The following RIMS1 variants were observed in gnomAD, a reference collection of about 807,000 sequenced individuals.
RIMS1 encodes the protein regulating synaptic membrane exocytosis protein 1.
A neutral mutation model predicts 214.1 loss-of-function variants in RIMS1; 83 were observed. That is an observed-to-expected ratio of 0.39 (90% CI 0.32 to 0.47). The LOEUF (loss-of-function observed/expected upper bound fraction) is 0.47. Among genes scored for constraint, RIMS1 ranks in the 20% least tolerant of loss-of-function variants. The pLI is 0.99. For synonymous variants in RIMS1, 793 were observed against 786.8 expected, an observed-to-expected ratio of 1.01 and a Z score of -0.13; for missense variants, 2,050 against 2,161.8, an observed-to-expected ratio of 0.95 and a Z score of 1.03.
intron 2 of RIMS1, among the ~76,000 whole-genome samples, chr6:72,067,906 G>T (rs1455285080): frequency 7.9e-5 from 12 of 152,062 alleles, no homozygotes; most frequent in African/African-American, 2.9e-4. Context: ...TTATGTGAGG[G>T]CAATGTTTCC....
At chr6:71,935,870 T>C (rs1784282063) in intron 1 of RIMS1, among the ~76,000 whole-genome samples, 1 of 152,210 alleles carries the variant, frequency 6.6e-6, no homozygotes, top group African/African-American at 2.4e-5. Context: ...TTTCCTGAAG[T>C]AATCTTTCAC....
chr6:72,196,580 C>CATTTTTTTTTTTTTTT (rs2050976810), intron 6 of RIMS1, among the ~76,000 whole-genome samples: 1 of 57,208 alleles, frequency 1.7e-5, no homozygotes, highest in African/African-American at 7.9e-5. Context: ...GCCAGCTGCA[C>CATTTTTTTTTTTTTTT]TTTTTTTTTT....
chr6:72,349,490 G>A (rs1444897496), intron 29 of RIMS1, among the ~76,000 whole-genome samples: 1 of 151,818 alleles, frequency 6.6e-6, no homozygotes, highest in Non-Finnish European at 1.5e-5. Context: ...ATGTAATGAT[G>A]TAAAAGTATA....
intron 2 of RIMS1, among the ~76,000 whole-genome samples, chr6:72,007,204 AG>A (rs1367053391): frequency 1.3e-5 from 2 of 152,216 alleles, no homozygotes; most frequent in Non-Finnish European, 2.9e-5. Context: ...GCTGATACCC[AG>A]GCAAACAGGG....
At chr6:72,186,427 C>T (rs894364142) in intron 6 of RIMS1, among the ~76,000 whole-genome samples, 1 of 152,178 alleles carries the variant, frequency 6.6e-6, no homozygotes, top group African/African-American at 2.4e-5. Context: ...GCCAAAAAGC[C>T]TGGTGCTCGA....
intron 28 of RIMS1, among the ~76,000 whole-genome samples, chr6:72,315,731 T>C (rs1049077684): frequency 6.6e-6 from 1 of 150,396 alleles, no homozygotes; most frequent in Non-Finnish European, 1.5e-5. Flanking sequence ...ACACATGGAG[T>C]TATTTTGCTT....
At chr6:72,041,405 G>A (rs74777868) in intron 2 of RIMS1, among the ~76,000 whole-genome samples, 2,043 of 151,864 alleles carry the variant, frequency 0.013, 10 homozygotes, top group Non-Finnish European at 0.017. Flanking sequence ...GTCTGGATAT[G>A]GTATCAAAAG....
chr6:72,359,786 G>T lies in RIMS1; in HGVS notation c.4366+25951G>T, dbSNP rs181801116. 2.5e-3 allele frequency among the ~76,000 whole-genome samples: 377 copies of T among 152,226 alleles called. 1 individual carries two copies. Among genetic ancestry groups the T allele is most frequent in the Non-Finnish European group, 4.1e-3 (282 of 67,996 alleles). ...TAACACAACACATAAATCACAAAGT[G>T]CATCCCAAGTTTGAGTTTCAAAATA... On this transcript the variant is annotated intron_variant, in intron 29 of 33. Transcript: ENST00000521978.
intron 2 of RIMS1, among the ~76,000 whole-genome samples, chr6:72,017,097 C>T (rs1813012680): frequency 6.6e-6 from 1 of 152,146 alleles, no homozygotes; most frequent in South Asian, 2.1e-4. Context: ...CTCATGATGG[C>T]CCGTGGTATA....
intron 4 of RIMS1, among the ~76,000 whole-genome samples, chr6:72,167,551 A>T (rs1202450078): frequency 6.6e-6 from 1 of 152,160 alleles, no homozygotes; most frequent in East Asian, 1.9e-4. Context: ...GAATTTGCCA[A>T]TGAAGATATT....
intron 28 of RIMS1, among the ~76,000 whole-genome samples, chr6:72,314,993 TCTC>T (rs1250895423): frequency 2.0e-5 from 3 of 152,198 alleles, no homozygotes; most frequent in African/African-American, 7.2e-5. Context: ...TCATTTTCAT[TCTC>T]CTAAAATTTC....
chr6:72,386,703 G>A (rs915740313), intron 29 of RIMS1, among the ~76,000 whole-genome samples: 22 of 150,020 alleles, frequency 1.5e-4, no homozygotes, highest in South Asian at 8.5e-4. Context: ...CCCTATCAGC[G>A]ATATTGTATC....
chr6:72,250,862 C>A, intron 13 of RIMS1, 59 bp from the exon 14 acceptor site: 2 of 924,676 alleles, frequency 2.2e-6, no homozygotes, highest in South Asian at 4.0e-5. Context: ...TTACATGTAA[C>A]TACAGTAGAT....
chr6:71,970,090 T>C lies in RIMS1; in HGVS notation c.245+1027T>C, dbSNP rs186399318. On this transcript the variant is annotated intron_variant, in intron 2 of 33. Transcript: ENST00000521978. ...TGAAATGTGGTAAATTTCAGGAGGC[T>C]TAATAGGTGTTATAGGTTTTACCCC... is the stretch of plus-strand genomic sequence containing the variant. Among the ~76,000 whole-genome samples, 191 of 152,344 alleles carry C rather than the reference T, an allele frequency of 1.3e-3. 2 individuals are homozygous for C. The highest frequency in any genetic ancestry group is 4.5e-3 in the African/African-American group (189 of 41,590).
chr6:72,235,782 C>T, intron 8 of RIMS1, 54 bp downstream of exon 8: 1 of 960,474 alleles, frequency 1.0e-6, no homozygotes, highest in South Asian at 2.5e-5. Context: ...GTATGGTCTG[C>T]ATTCATCGGA....
intron 2 of RIMS1, among the ~76,000 whole-genome samples, chr6:72,032,261 A>G (rs1424708523): frequency 1.3e-5 from 2 of 152,112 alleles, no homozygotes; most frequent in Non-Finnish European, 2.9e-5. Context: ...GGAATGTGTG[A>G]GAGGACTAAA....
At chr6:72,247,944 A>C (rs1262393760) in intron 11 of RIMS1, 71 bp from the exon 12 acceptor site, 3 of 942,332 alleles carry the variant, frequency 3.2e-6, no homozygotes, top group Non-Finnish European at 5.2e-6. Flanking sequence ...CAAATAAAGG[A>C]TGCATTTAAC....
chr6:72,218,248 A>C (rs116116255), intron 6 of RIMS1, among the ~76,000 whole-genome samples: 1 of 152,166 alleles, frequency 6.6e-6, no homozygotes, highest in East Asian at 1.9e-4. Context: ...CTGCAGCCTG[A>C]TGAGGACCTG....
chr6:72,062,147 G>A (rs1165081329), intron 2 of RIMS1, among the ~76,000 whole-genome samples: 2 of 151,964 alleles, frequency 1.3e-5, no homozygotes, highest in Non-Finnish European at 2.9e-5. Flanking sequence ...TTAGATTTAG[G>A]GGTTTTTTCT....
Sources: allele counts gnomAD v4.1 joint callset (sites outside exome capture counted in the v4.1 genomes callset), GRCh38; gene constraint gnomAD v4.1.1; transcripts MANE v1.5; gene names NCBI Gene and HGNC (gene_info 2026-07-23, HGNC 2026-07-21).